The following NBEAL2 variants were observed in gnomAD, a reference collection of about 807,000 sequenced individuals.
NBEAL2 encodes the protein neurobeachin like 2.
NBEAL2 carries 160 observed loss-of-function variants against 299.8 expected under a neutral mutation model. That is an observed-to-expected ratio of 0.53 (90% confidence interval 0.47 to 0.61). NBEAL2 has a LOEUF of 0.61. Among genes scored for constraint, NBEAL2 ranks in the 20% least tolerant of loss-of-function variants. The pLI, the probability that NBEAL2 is intolerant of heterozygous loss-of-function variation, is 0.00. For synonymous variants in NBEAL2, 1,493 were observed against 1,542.3 expected, an observed-to-expected ratio of 0.97 and a Z score of 0.75; for missense variants, 3,112 against 3,649.0, an observed-to-expected ratio of 0.85 and a Z score of 3.79.
At position 46,998,958 on chromosome 3, in the gene NBEAL2, G is replaced by T. The variant is rs1279709248; in HGVS notation, c.3385-1G>T. 6.2e-7 allele frequency: 1 copy of T among 1,606,422 alleles called. No homozygotes were observed. The highest frequency in any genetic ancestry group is 2.2e-5 in the East Asian group (1 of 44,642). ...CACAGTGTGAGACCCTGCATCCCCA[G>T]GCGGTGGGTGCGCTGGACCTGCTGC... On this transcript the variant is annotated splice_acceptor_variant, in intron 23 of 53. Coordinates refer to ENST00000450053, the MANE Select transcript of NBEAL2 (RefSeq NM_015175.3). LOFTEE classifies it high-confidence loss of function.
At chr3:46,980,395 G>A (rs929934109) in intron 1 of NBEAL2, among the ~76,000 whole-genome samples, 4 of 152,256 alleles carry the variant, frequency 2.6e-5, no homozygotes, top group African/African-American at 7.2e-5. Context: ...GTAGGGAGGT[G>A]TGTGGAAGGG....
At chr3:47,005,696 C>T (rs375607061) in intron 41 of NBEAL2, 42 bp from the exon 42 acceptor site, 35 of 1,612,338 alleles carry the variant, frequency 2.2e-5, no homozygotes, top group Non-Finnish European at 2.6e-5. Context: ...AGGGGGCAGT[C>T]GGGATGGACA....
chr3:47,000,175 G>A lies in NBEAL2; in HGVS notation c.4076G>A (p.Gly1359Asp). ...LSPFCTPFDLGLERSSVGSGN... is the reference protein window; with the variant it reads ...LSPFCTPFDLDLERSSVGSGN... ...CCATTCTGCACGCCCTTTGACCTGG[G>A]CCTGGAACGGTCTAGTGTAGGATCA... is the stretch of plus-strand genomic sequence containing the variant. Residue 1359 changes from glycine to aspartate, a missense_variant, in exon 27 of 54, where the codon GGC becomes GAC. Coordinates refer to ENST00000450053, the MANE Select transcript of NBEAL2 (RefSeq NM_015175.3). This position sits in a 1 kb window ranked among gnomAD's most constrained non-coding sequence, Gnocchi z 4.5. 1 of 1,613,838 alleles carries A rather than the reference G, an allele frequency of 6.2e-7. No individual in the cohort carries two copies. The highest frequency in any genetic ancestry group is 8.5e-7 in the Non-Finnish European group (1 of 1,179,886).
In NBEAL2 at chr3:46,991,381, T is replaced by C. The variant is rs760574392; in HGVS notation, c.643-25T>C. The C allele has an allele frequency of 1.3e-6, 2 of 1,589,766 alleles. No individual in the cohort carries two copies. Among genetic ancestry groups the C allele is most frequent in the Non-Finnish European group, 1.7e-6 (2 of 1,167,366 alleles). On this transcript the variant is annotated intron_variant, in intron 7 of 53. Coordinates refer to ENST00000450053, the MANE Select transcript of NBEAL2 (RefSeq NM_015175.3). The surrounding 1 kb of genome is among the most constrained non-coding windows in gnomAD (Gnocchi z 6.2). ...TCTGCTGGGTGAGCCCCTTGCCCACTGCCCATCTCTGTCCACACCTGCAGG... is the reference window on the plus strand; with the variant it reads ...TCTGCTGGGTGAGCCCCTTGCCCACCGCCCATCTCTGTCCACACCTGCAGG...
chr3:46,986,537 C>T (rs201264915), intron 1 of NBEAL2, among the ~76,000 whole-genome samples: 2 of 152,144 alleles, frequency 1.3e-5, no homozygotes, highest in Non-Finnish European at 2.9e-5. Flanking sequence ...GGGTTAGACA[C>T]GGTCAAATTT....
chr3:47,009,451 A>C lies in NBEAL2; in HGVS notation c.*131A>C. On this transcript the variant is annotated 3_prime_UTR_variant, in exon 54 of 54. Transcript: ENST00000450053. ...GAGCGGGGCCCACCCTGCCCAGCTC[A>C]GGGATTGGCGGGCGATGTTACCCCC... The C allele has an allele frequency of 4.6e-5, 39 of 851,076 alleles. No individual in the cohort carries two copies. The highest frequency in any genetic ancestry group is 2.3e-4 in the Middle Eastern group (1 of 4,276). 52.7% of individuals were successfully genotyped at this position (851,076 alleles called of 1,614,324 possible). A position where few individuals can be genotyped will look rare whatever the true frequency, so the allele number is the denominator to read the frequency against.
intron 42 of NBEAL2, 45 bp from the exon 43 acceptor site, chr3:47,005,901 G>A (rs1359399842): frequency 1.9e-6 from 3 of 1,612,556 alleles, no homozygotes; most frequent in Non-Finnish European, 1.7e-6. Context: ...GAAGATCATG[G>A]GGGGTCAGCT....
Position 46,997,284 on chromosome 3 carries a change from T to C in NBEAL2, c.2675T>C (p.Met892Thr). The part of the protein sequence containing the change: ...VKDVVNCVGG[M>T]GALLPLLERV... Reference sequence around the variant, plus strand: ...GATGTGGTGAACTGCGTTGGGGGTATGGGTGCCCTGCTGCCCCTGCTGGAG... The same window carrying C: ...GATGTGGTGAACTGCGTTGGGGGTACGGGTGCCCTGCTGCCCCTGCTGGAG... The change falls in exon 19 of 54, where the codon ATG (methionine) becomes ACG (threonine). Residue 892 changes from methionine (M) to threonine (T), a missense_variant. Met to Thr is a moderately conservative substitution (Grantham distance 81). Coordinates refer to ENST00000450053, the MANE Select transcript of NBEAL2 (RefSeq NM_015175.3). The C allele has an allele frequency of 1.2e-6, 2 of 1,612,834 alleles. No homozygotes were observed. The highest frequency in any genetic ancestry group is 1.1e-5 in the South Asian group (1 of 91,076).
chr3:46,998,007 A>G, intron 20 of NBEAL2, 60 bp from the exon 21 acceptor site: 2 of 1,495,342 alleles, frequency 1.3e-6, no homozygotes, highest in Admixed American at 2.1e-5. Context: ...GGCAGCTGAA[A>G]AGCTCAGACA....
chr3:46,995,353 C>T lies in NBEAL2; in HGVS notation c.1618C>T (p.Arg540Trp), dbSNP rs201777850. Residue 540 changes from arginine (R) to tryptophan (W), a missense_variant, in exon 13 of 54, where the codon CGG becomes TGG. Arg to Trp is a moderately radical substitution (Grantham distance 101). Coordinates refer to ENST00000450053, the MANE Select transcript of NBEAL2 (RefSeq NM_015175.3). ...GGAGCTGCGTCACCTGCTGCGCCCC[C>T]GGCCAGGATTGGACTCGGAACCAGG... The part of the protein sequence containing the change: ...PMELRHLLRP[R>W]PGLDSEPGGA... 445 of 1,610,570 alleles carry T rather than the reference C, an allele frequency of 2.8e-4. No individual in the cohort carries two copies. Among genetic ancestry groups the T allele is most frequent in the Non-Finnish European group, 3.5e-4 (414 of 1,178,986 alleles).
rs750726983 is a variant in NBEAL2 at position 46,988,975 on chromosome 3, C to T, written c.269+5C>T. On this transcript the variant is annotated splice_donor_5th_base_variant and intron_variant, in intron 3 of 53. Coordinates refer to ENST00000450053, the MANE Select transcript of NBEAL2 (RefSeq NM_015175.3). This position sits in a 1 kb window ranked among gnomAD's most constrained non-coding sequence, Gnocchi z 4.4. The stretch of plus-strand genomic sequence containing the variant: ...GCTCTTCATCATTCTCTGCAGGTGT[C>T]TCTGTTGTCCACTCTACAAGCAGGG... 6.2e-7 allele frequency: 1 copy of T among 1,612,584 alleles called. No individual in the cohort carries two copies. The highest frequency in any genetic ancestry group is 1.3e-5 in the African/African-American group (1 of 75,016).
Position 46,994,029 on chromosome 3 carries a change from G to A in NBEAL2, c.1197+9G>A, listed in dbSNP as rs1400898931. On this transcript the variant is annotated intron_variant, in intron 11 of 53. Coordinates refer to ENST00000450053, the MANE Select transcript of NBEAL2 (RefSeq NM_015175.3). ...ACTCCCCCTCGGCCAAGGTGAGGCT[G>A]CTGCACTGCAGCTTTAGTAGGGGTG... is the stretch of plus-strand genomic sequence containing the variant. 2.5e-6 allele frequency: 4 copies of A among 1,606,468 alleles called. No homozygotes were observed. The highest frequency in any genetic ancestry group is 3.4e-6 in the Non-Finnish European group (4 of 1,176,798).
rs371069250 is a variant in NBEAL2, at chr3:47,009,169, G to A, written c.8163+45G>A. On this transcript the variant is annotated intron_variant, in intron 53 of 53. Coordinates refer to ENST00000450053, the MANE Select transcript of NBEAL2 (RefSeq NM_015175.3). ...GGGGAGGCCCCTCGAACGGGGCGGG[G>A]CGTGGCGCGGCGATCCCAGCTGATC... The A allele has an allele frequency of 2.4e-4, 365 of 1,552,762 alleles. 1 individual carries two copies. In the African/African-American group the frequency reaches 4.2e-3, roughly 18 times the overall value.
chr3:46,983,188 G>A (rs149432419), intron 1 of NBEAL2, among the ~76,000 whole-genome samples: 426 of 152,226 alleles, frequency 2.8e-3, no homozygotes, highest in Non-Finnish European at 3.7e-3. Flanking sequence ...AGGTCAGGCT[G>A]GAGGCAACCT....
rs1440532207 is a variant in NBEAL2, at chr3:47,001,665, T to C, written c.4645-24T>C. 12 of 1,608,852 alleles carry C rather than the reference T, an allele frequency of 7.5e-6. No individual in the cohort carries two copies. The highest frequency in any genetic ancestry group is 1.1e-5 in the South Asian group (1 of 91,030). On this transcript the variant is annotated intron_variant, in intron 29 of 53. Coordinates refer to ENST00000450053, the MANE Select transcript of NBEAL2 (RefSeq NM_015175.3). This position sits in a 1 kb window ranked among gnomAD's most constrained non-coding sequence, Gnocchi z 6.1. ...TCCTGGCCTCCCCTGGTGATGTCTG[T>C]TGGGAACCTGTTTTCTGTGGCAGCT...
Position 47,007,053 on chromosome 3 carries a change from C to T in NBEAL2, c.7135-13C>T, listed in dbSNP as rs767606190. On this transcript the variant is annotated splice_polypyrimidine_tract_variant and intron_variant, in intron 45 of 53. Transcript: ENST00000450053. ...GTACTCAGGCATAGCTAGGCCTGCC[C>T]TTGCCCCTGCAGGTTGTCAGTGATG... is the stretch of plus-strand genomic sequence containing the variant. 2.0e-4 allele frequency: 315 copies of T among 1,604,674 alleles called. No individual in the cohort carries two copies. Among genetic ancestry groups the T allele is most frequent in the Non-Finnish European group, 2.7e-4 (313 of 1,174,754 alleles).
Position 47,007,062 on chromosome 3 carries a change from G to C in NBEAL2, c.7135-4G>C. ...CATAGCTAGGCCTGCCCTTGCCCCT[G>C]CAGGTTGTCAGTGATGGTGTACCCC... On this transcript the variant is annotated splice_polypyrimidine_tract_variant and splice_region_variant and intron_variant, in intron 45 of 53. Coordinates refer to ENST00000450053, the MANE Select transcript of NBEAL2 (RefSeq NM_015175.3). 6.2e-7 allele frequency: 1 copy of C among 1,608,578 alleles called. No homozygotes were observed. The highest frequency in any genetic ancestry group is 8.5e-7 in the Non-Finnish European group (1 of 1,176,976).
intron 12 of NBEAL2, 144 bp from the exon 13 acceptor site, chr3:46,994,888 C>T (rs1370766888): frequency 5.7e-6 from 7 of 1,229,394 alleles, no homozygotes; most frequent in Non-Finnish European, 7.8e-6. Flanking sequence ...CTCTGACTTT[C>T]CTGAGCCTCA....
Position 47,002,051 on chromosome 3 carries a change from G to A in NBEAL2, c.4914G>A (p.Leu1638=). The A allele has an allele frequency of 1.3e-6, 2 of 1,555,072 alleles. No individual in the cohort carries two copies. Among genetic ancestry groups the A allele is most frequent in the Non-Finnish European group, 1.7e-6 (2 of 1,149,496 alleles). ...GGCGGGTGCTGAACACCTCTTCCTT[G>A]GAGTCAGCCACTGATGAGGCAGGGT... ...ALGRVLNTSS[L]ESATDEAGSP... is the part of the protein sequence containing the mutation. The change falls in exon 31 of 54, where the codon TTG becomes TTA. Residue 1638 remains leucine (L), a synonymous_variant. Coordinates refer to ENST00000450053, the MANE Select transcript of NBEAL2 (RefSeq NM_015175.3).
Sources: gnomAD v4.1 joint callset for allele counts (sites outside exome capture counted in the v4.1 genomes callset) on GRCh38, gnomAD v4.1.1 for gene constraint, Gnocchi (gnomAD v3.1) non-coding constraint, MANE v1.5 for transcripts, NCBI Gene and HGNC (gene_info 2026-07-23, HGNC 2026-07-21) for gene names.